PCDH11X: variants seen among roughly 807,000 people sequenced by gnomAD.
The protein encoded by PCDH11X is protocadherin-11 X-linked.
PCDH11X carries 18 observed loss-of-function variants against 53.3 expected under a neutral mutation model. That is an observed-to-expected ratio of 0.34 (90% CI 0.23 to 0.50). PCDH11X has a LOEUF of 0.50. Ranked by LOEUF, PCDH11X falls within the 20% of genes least tolerant of loss-of-function variation. The pLI is 0.98. For missense variants in PCDH11X, 570 were observed against 1,032.4 expected (o/e 0.55, Z 6.14); for synonymous variants, 279 against 393.3 (o/e 0.71, Z 3.44).
At chrX:91,992,783 AT>A (rs1304480936) in intron 6 of PCDH11X, among the ~76,000 whole-genome samples, 3 of 109,557 alleles carry the variant, frequency 2.7e-5, no homozygotes, top group African/African-American at 1.0e-4. Flanking sequence ...TGGGGCAATT[AT>A]TTTTATTATT....
chrX:91,843,261 T>TTGTGTGTG (rs1491364737), intron 5 of PCDH11X, among the ~76,000 whole-genome samples: 456 of 57,414 alleles, frequency 7.9e-3, no homozygotes, highest in African/African-American at 0.03. Flanking sequence ...ACATACATAC[T>TTGTGTGTG]TATGTGTGTG....
chrX:92,604,006 T>A (rs1926518593), intron 10 of PCDH11X, among the ~76,000 whole-genome samples: 3 of 107,032 alleles, frequency 2.8e-5, no homozygotes, highest in Non-Finnish European at 5.8e-5. Flanking sequence ...ATATACACAA[T>A]TATATATAAT....
chrX:91,923,933 C>T (rs1941843499), intron 6 of PCDH11X, among the ~76,000 whole-genome samples: 1 of 109,881 alleles, frequency 9.1e-6, no homozygotes, highest in African/African-American at 3.3e-5. Context: ...GTACTATGCT[C>T]ACTAGCTGGG....
intron 8 of PCDH11X, among the ~76,000 whole-genome samples, chrX:92,304,689 A>G (rs1042532135): frequency 3.8e-4 from 42 of 111,949 alleles, no homozygotes; most frequent in Non-Finnish European, 7.0e-4. Flanking sequence ...TCCCTGGCTC[A>G]GAAAATATCT....
intron 9 of PCDH11X, among the ~76,000 whole-genome samples, chrX:92,412,622 T>C (rs1166146268): frequency 9.8e-6 from 1 of 102,423 alleles, no homozygotes; most frequent in African/African-American, 3.5e-5. Flanking sequence ...ACCCACACTC[T>C]TGGAGTTTAT....
In PCDH11X at chrX:92,276,186, G is replaced by A. The variant is rs761776677; in HGVS notation, c.3144+13043G>A. Among the ~76,000 whole-genome samples the A allele has an allele frequency of 5.5e-5, 6 of 108,746 alleles. No individual in the cohort carries two copies. In the South Asian group the frequency reaches 1.2e-3, roughly 22 times the overall value. The allele number at this position is 108,746 out of a possible 115,157, so 94.4% of individuals were successfully genotyped here. On this transcript the variant is annotated intron_variant, in intron 8 of 10. Transcript: ENST00000682573. The stretch of plus-strand genomic sequence containing the variant: ...ACAGTTATGGAGGCAAGGGAAACAG[G>A]CCCTTGAAAAGAAGGTAATGTGGAG...
At chrX:91,948,115 G>A (rs760454376) in intron 6 of PCDH11X, among the ~76,000 whole-genome samples, 2 of 103,428 alleles carry the variant, frequency 1.9e-5, no homozygotes, top group African/African-American at 6.8e-5. Flanking sequence ...ACTATTCTTG[G>A]ATCCTTAACT....
chrX:92,205,837 G>A (rs2066467277), intron 7 of PCDH11X, among the ~76,000 whole-genome samples: 1 of 110,906 alleles, frequency 9.0e-6, no homozygotes, highest in South Asian at 3.8e-4. Context: ...CTGACCTCAG[G>A]TGATCCACCT....
chrX:91,791,292 G>A (rs1410936812), intron 1 of PCDH11X, among the ~76,000 whole-genome samples: 5 of 110,143 alleles, frequency 4.5e-5, no homozygotes, highest in Non-Finnish European at 9.5e-5. Context: ...AAAGAAAAAA[G>A]GTTTAACTGA....
chrX:92,132,694 T>C (rs1386059012), intron 6 of PCDH11X, among the ~76,000 whole-genome samples: 2 of 92,649 alleles, frequency 2.2e-5, no homozygotes, highest in African/African-American at 8.2e-5. Flanking sequence ...TATGTATATA[T>C]ATATATATAT....
intron 10 of PCDH11X, among the ~76,000 whole-genome samples, chrX:92,530,613 T>A (rs1183617559): frequency 8.9e-6 from 1 of 112,295 alleles, no homozygotes; most frequent in African/African-American, 3.2e-5. Context: ...GCAGACATTT[T>A]AAAAGATGTA....
rs752161685 is a variant in PCDH11X, at chrX:92,244,531, C to T, written c.3115-18583C>T. 4.9e-4 allele frequency among the ~76,000 whole-genome samples: 54 copies of T among 110,901 alleles called. 1 individual carries two copies. The highest frequency in any genetic ancestry group is 7.5e-4 in the Non-Finnish European group (40 of 52,994). ...GAATCATAGTATTCTCAAGGTTTCA[C>T]ACAGTGCATAATTAAAATAATGATC... is the stretch of plus-strand genomic sequence containing the variant. On this transcript the variant is annotated intron_variant, in intron 7 of 10. Coordinates refer to ENST00000682573, the MANE Select transcript of PCDH11X (RefSeq NM_032968.5).
chrX:92,465,015 T>C (rs2073130350), intron 9 of PCDH11X, among the ~76,000 whole-genome samples: 1 of 110,840 alleles, frequency 9.0e-6, no homozygotes. Flanking sequence ...TGCTAGTCCA[T>C]GCTATAGGTG....
chrX:92,026,505 A>G (rs5984850), intron 6 of PCDH11X, among the ~76,000 whole-genome samples: 15,548 of 109,883 alleles, frequency 0.14, 977 homozygotes, highest in Admixed American at 0.28. Context: ...AGACTCAAGG[A>G]ACATTCATTA....
intron 8 of PCDH11X, among the ~76,000 whole-genome samples, chrX:92,279,841 CAAAT>C (rs1437607228): frequency 2.7e-5 from 3 of 111,960 alleles, no homozygotes; most frequent in Admixed American, 1.9e-4. Context: ...TTTAGGATAA[CAAAT>C]AAAAAGCCAT....
At chrX:92,398,047 C>T (rs991290044) in intron 9 of PCDH11X, among the ~76,000 whole-genome samples, 2 of 110,995 alleles carry the variant, frequency 1.8e-5, no homozygotes, top group African/African-American at 3.3e-5. Context: ...TAGTATTGAA[C>T]TATTAAGTCT....
At chrX:91,902,953 C>A (rs1183694780) in intron 6 of PCDH11X, among the ~76,000 whole-genome samples, 2 of 110,420 alleles carry the variant, frequency 1.8e-5, no homozygotes, top group African/African-American at 6.6e-5. Context: ...GTACTACATG[C>A]AAGGTATGGT....
At chrX:91,934,169 CTT>C (rs768953352) in intron 6 of PCDH11X, among the ~76,000 whole-genome samples, 23 of 110,463 alleles carry the variant, frequency 2.1e-4, no homozygotes, top group Admixed American at 7.7e-4. Flanking sequence ...TTGTCTTTGT[CTT>C]TCTTTTAGCT....
chrX:92,452,241 G>C (rs1176318823), intron 9 of PCDH11X, among the ~76,000 whole-genome samples: 1 of 100,232 alleles, frequency 1.0e-5, no homozygotes, highest in Non-Finnish European at 2.0e-5. Context: ...AATATTAACA[G>C]CTTTATAAAC....
Sources: gnomAD v4.1 joint callset for allele counts (sites outside exome capture counted in the v4.1 genomes callset) on GRCh38, gnomAD v4.1.1 for gene constraint, MANE v1.5 for transcripts, NCBI Gene and HGNC (gene_info 2026-07-23, HGNC 2026-07-21) for gene names.